Variants in COG4 observed in about 807,000 individuals in gnomAD.
The protein encoded by COG4 is conserved oligomeric Golgi complex subunit 4.
COG4 carries 65 observed loss-of-function variants against 95.1 expected under a neutral mutation model. The ratio of observed to expected loss-of-function variants is 0.68; its 90% confidence interval spans 0.56 to 0.84. The LOEUF (loss-of-function observed/expected upper bound fraction) is 0.84, where lower values mean the gene tolerates loss of function less well. Among genes scored for constraint, COG4 ranks in the 40% least tolerant of loss-of-function variants. The pLI, the probability that COG4 is intolerant of heterozygous loss-of-function variation, is 0.00. For missense variants in COG4, 1,045 were observed against 989.1 expected, an observed-to-expected ratio of 1.06 and a Z score of -0.76; for synonymous variants, 421 against 374.8, an observed-to-expected ratio of 1.12 and a Z score of -1.42.
chr16:70,505,786 G>A (rs546234669), intron 8 of COG4, among the ~76,000 whole-genome samples: 19 of 151,740 alleles, frequency 1.3e-4, no homozygotes, highest in African/African-American at 4.4e-4. Flanking sequence ...CCGAGATAGC[G>A]CCACTGCACT....
Position 70,496,159 on chromosome 16 carries a change from A to C in COG4, c.1647+107T>G, listed in dbSNP as rs1029101076. On this transcript the variant is annotated intron_variant, in intron 12 of 18. Transcript: ENST00000323786. ...GGAGGAATTTTCCTTCTATATAGACACTGGAGGAAAAGTCTCTAGCTAGAG... is the reference window on the plus strand; with the variant it reads ...GGAGGAATTTTCCTTCTATATAGACCCTGGAGGAAAAGTCTCTAGCTAGAG... 6 of 1,152,186 alleles carry C rather than the reference A, an allele frequency of 5.2e-6. No individual in the cohort carries two copies. The Admixed American group carries it at 1.1e-4, about 22-fold the overall frequency. 71.4% of individuals were successfully genotyped at this position (1,152,186 alleles called of 1,614,324 possible).
chr16:70,509,441 A>G (rs2049652870), intron 6 of COG4, 53 bp from the exon 7 acceptor site: 2 of 1,606,612 alleles, frequency 1.2e-6, no homozygotes, highest in Non-Finnish European at 1.7e-6. Flanking sequence ...CCTACAAAAT[A>G]AACTTGCTCC....
Position 70,517,718 on chromosome 16 carries a change from C to T in COG4, c.277G>A (p.Gly93Arg). 6.2e-7 allele frequency: 1 copy of T among 1,612,470 alleles called. No individual in the cohort carries two copies. Among genetic ancestry groups the T allele is most frequent in the Non-Finnish European group, 8.5e-7 (1 of 1,178,554 alleles). Residue 93 changes from glycine to arginine, a missense_variant, in exon 3 of 19, where the codon GGA (glycine) becomes AGA (arginine). Transcript: ENST00000323786. ...ATTCCAGCCAGCTGCTTTGCATCTC[C>T]CTCAATCAGCTGCAGATTAGGACTG... ...RMGPNLQLIE[G>R]DAKQLAGMIT... is the part of the protein sequence containing the mutation.
intron 6 of COG4, 65 bp downstream of exon 6, chr16:70,509,851 G>T: frequency 2.5e-6 from 3 of 1,208,968 alleles, no homozygotes; most frequent in South Asian, 1.2e-5. Flanking sequence ...AGGGTGAGAA[G>T]AAAGGCTAGG....
intron 8 of COG4, among the ~76,000 whole-genome samples, chr16:70,506,624 A>C (rs1448986088): frequency 5.6e-4 from 72 of 129,196 alleles, no homozygotes; most frequent in Non-Finnish European, 9.8e-4. Context: ...AAAACAAAAA[A>C]AAAAACATTT....
chr16:70,509,049 C>T (rs947404221), intron 7 of COG4, 182 bp downstream of exon 7: 36 of 737,818 alleles, frequency 4.9e-5, no homozygotes, highest in Admixed American at 1.1e-4. Context: ...ATCATCATCT[C>T]GACAACACCT....
chr16:70,519,603 C>T (rs772322901), intron 2 of COG4, 46 bp downstream of exon 2: 11 of 1,416,742 alleles, frequency 7.8e-6, no homozygotes, highest in Non-Finnish European at 1.1e-5. Context: ...GTCCAATTGA[C>T]CCTGTTGGAA....
At chr16:70,482,344 C>G in intron 15 of COG4, 169 bp from the exon 16 acceptor site, 1 of 692,478 alleles carries the variant, frequency 1.4e-6, no homozygotes, top group Non-Finnish European at 2.6e-6. Context: ...CAGAAACTGA[C>G]CAGCAAACAG....
chr16:70,496,295 T>A lies in COG4; in HGVS notation c.1618A>T (p.Ser540Cys). 6.2e-7 allele frequency: 1 copy of A among 1,614,198 alleles called. No individual in the cohort carries two copies. Among genetic ancestry groups the A allele is most frequent in the Non-Finnish European group, 8.5e-7 (1 of 1,180,026 alleles). ...QGKFDTKGIE[S>C]TDEAKMSFLV... ...AAGGACATCTTCGCCTCGTCAGTAC[T>A]CTCGATGCCTTTTGTGTCAAATTTG... Residue 540 changes from serine (S) to cysteine (C), a missense_variant, in exon 12 of 19, where the codon AGT (serine) becomes TGT (cysteine). Coordinates refer to ENST00000323786, the MANE Select transcript of COG4 (RefSeq NM_015386.3).
At chr16:70,509,102 G>T in intron 7 of COG4, 129 bp downstream of exon 7, 1 of 1,163,596 alleles carries the variant, frequency 8.6e-7, no homozygotes, top group Non-Finnish European at 1.3e-6. Flanking sequence ...GCAGGCCAGT[G>T]TGCGCTTAGC....
intron 14 of COG4, among the ~76,000 whole-genome samples, chr16:70,483,599 G>A (rs1483759221): frequency 6.6e-6 from 1 of 152,082 alleles, no homozygotes; most frequent in Admixed American, 6.6e-5. Flanking sequence ...CATCTTCTGA[G>A]AGCTCTTGTC....
chr16:70,490,543 A>C, intron 12 of COG4, 151 bp from the exon 13 acceptor site: 1 of 715,392 alleles, frequency 1.4e-6, no homozygotes, highest in East Asian at 2.7e-5. Context: ...ACACTGCTAC[A>C]TCTGAGCAGG....
chr16:70,498,061 G>C lies in COG4; in HGVS notation c.1196-6C>G. 1 of 1,575,152 alleles carries C rather than the reference G, an allele frequency of 6.3e-7. No homozygotes were observed. Among genetic ancestry groups the C allele is most frequent in the African/African-American group, 1.3e-5 (1 of 74,180 alleles). ...GTCCAGACACTTCTGGTGCTCTAGGGGACAGCCAAGAAAGGAATACTCATT... is the reference window on the plus strand; with the variant it reads ...GTCCAGACACTTCTGGTGCTCTAGGCGACAGCCAAGAAAGGAATACTCATT... On this transcript the variant is annotated splice_region_variant and splice_polypyrimidine_tract_variant and intron_variant, in intron 9 of 18. Coordinates refer to ENST00000323786, the MANE Select transcript of COG4 (RefSeq NM_015386.3).
intron 13 of COG4, among the ~76,000 whole-genome samples, chr16:70,488,704 C>G (rs575609868): frequency 6.6e-5 from 10 of 152,158 alleles, no homozygotes; most frequent in Non-Finnish European, 1.3e-4. Flanking sequence ...CATGCCACCA[C>G]ACCCAGCTAA....
intron 1 of COG4, among the ~76,000 whole-genome samples, chr16:70,521,401 A>G (rs1462171435): frequency 2.0e-5 from 3 of 151,918 alleles, no homozygotes; most frequent in Non-Finnish European, 2.9e-5. Flanking sequence ...CATTTTTAGT[A>G]GAGACTAACA....
chr16:70,508,398 A>G lies in COG4; in HGVS notation c.1061+8T>C. 6.2e-7 allele frequency: 1 copy of G among 1,611,924 alleles called. No individual in the cohort carries two copies. The highest frequency in any genetic ancestry group is 8.5e-7 in the Non-Finnish European group (1 of 1,178,092). On this transcript the variant is annotated splice_region_variant and intron_variant, in intron 8 of 18. Coordinates refer to ENST00000323786, the MANE Select transcript of COG4 (RefSeq NM_015386.3). ...CCTGTGGGCTGAAGAAGAGAGAAGG[A>G]TTATTACCTTGGTTCGATTTTTTCT...
intron 2 of COG4, among the ~76,000 whole-genome samples, chr16:70,518,095 T>A (rs1010990585): frequency 3.3e-5 from 5 of 152,034 alleles, no homozygotes; most frequent in Non-Finnish European, 5.9e-5. Context: ...CAAGCCCAGA[T>A]AATTTTTGTA....
chr16:70,521,152 A>G (rs1337726579), intron 1 of COG4, among the ~76,000 whole-genome samples: 1 of 151,488 alleles, frequency 6.6e-6, no homozygotes, highest in East Asian at 1.9e-4. Context: ...AGCTCAAGCT[A>G]TCTGCCCATC....
At chr16:70,508,074 C>A (rs528977623) in intron 8 of COG4, among the ~76,000 whole-genome samples, 1 of 151,816 alleles carries the variant, frequency 6.6e-6, no homozygotes, top group African/African-American at 2.4e-5. Context: ...GCACGCACCA[C>A]CATGCCCAGC....
Sources: gnomAD v4.1 joint callset for allele counts (sites outside exome capture counted in the v4.1 genomes callset) on GRCh38, gnomAD v4.1.1 for gene constraint, MANE v1.5 for transcripts, NCBI Gene and HGNC (gene_info 2026-07-23, HGNC 2026-07-21) for gene names.